DISC1: variants seen among roughly 807,000 people sequenced by gnomAD.
The protein encoded by DISC1 is disrupted in schizophrenia 1 protein.
A neutral mutation model predicts 84.5 loss-of-function variants in DISC1; 57 were observed. That is an observed-to-expected ratio of 0.67 (90% CI 0.55 to 0.84). The LOEUF is 0.84. Among genes scored for constraint, DISC1 ranks in the 40% least tolerant of loss-of-function variants. The pLI is 0.00. For synonymous variants in DISC1, 411 were observed against 415.2 expected (o/e 0.99, Z 0.12); for missense variants, 1,000 against 1,057.8 (o/e 0.95, Z 0.76).
intron 3 of DISC1, among the ~76,000 whole-genome samples, chr1:231,707,195 C>G (rs1335736321): frequency 3.9e-5 from 6 of 152,218 alleles, no homozygotes; most frequent in Non-Finnish European, 8.8e-5. Context: ...CAGCCTGTAT[C>G]ATTTTGCTTT....
At chr1:231,687,292 G>A (rs1409281872) in intron 1 of DISC1, among the ~76,000 whole-genome samples, 1 of 152,176 alleles carries the variant, frequency 6.6e-6, no homozygotes, top group Non-Finnish European at 1.5e-5. Flanking sequence ...GGAAGAAAAA[G>A]AGGTTTAATT....
At chr1:231,743,369 A>G (rs2073568918) in intron 3 of DISC1, among the ~76,000 whole-genome samples, 1 of 152,214 alleles carries the variant, frequency 6.6e-6, no homozygotes, top group Non-Finnish European at 1.5e-5. Context: ...AGAAAGGTTA[A>G]GTAACTTGAA....
chr1:231,740,929 TC>T (rs754350474), intron 3 of DISC1, among the ~76,000 whole-genome samples: 9 of 152,220 alleles, frequency 5.9e-5, no homozygotes, highest in Non-Finnish European at 8.8e-5. Context: ...TTGGGGCATT[TC>T]AAATTTCAGA....
At chr1:231,860,321 C>G (rs994145080) in intron 9 of DISC1, among the ~76,000 whole-genome samples, 7 of 152,016 alleles carry the variant, frequency 4.6e-5, no homozygotes, top group Non-Finnish European at 8.8e-5. Context: ...GGGACAAGAA[C>G]TGTTTTAGAT....
intron 10 of DISC1, among the ~76,000 whole-genome samples, chr1:231,978,982 A>G (rs56135119): frequency 0.072 from 10,958 of 152,130 alleles, 546 homozygotes; most frequent in East Asian, 0.23. Context: ...CTTTTTCTGT[A>G]TTTGCAGCCA....
At chr1:231,950,794 G>A (rs1185191827) in intron 9 of DISC1, among the ~76,000 whole-genome samples, 1 of 152,164 alleles carries the variant, frequency 6.6e-6, no homozygotes, top group Non-Finnish European at 1.5e-5. Flanking sequence ...TCGCCACATA[G>A]CAAACATTTT....
At chr1:231,859,297 C>T (rs188058619) in intron 9 of DISC1, among the ~76,000 whole-genome samples, 8 of 152,264 alleles carry the variant, frequency 5.3e-5, no homozygotes, top group African/African-American at 1.9e-4. Context: ...AACAAAGTAC[C>T]ATAGACTGAG....
chr1:231,995,551 T>A (rs1348160852), intron 10 of DISC1, among the ~76,000 whole-genome samples: 1 of 152,070 alleles, frequency 6.6e-6, no homozygotes, highest in Non-Finnish European at 1.5e-5. Context: ...CCATGTGTTC[T>A]CATTGTTCAA....
At chr1:231,650,693 G>A (rs2060540749) in intron 1 of DISC1, among the ~76,000 whole-genome samples, 2 of 152,122 alleles carry the variant, frequency 1.3e-5, no homozygotes, top group Non-Finnish European at 1.5e-5. Flanking sequence ...TCACTTTCAG[G>A]TACACCAGTC....
At chr1:231,962,640 G>A (rs1432948155) in intron 10 of DISC1, among the ~76,000 whole-genome samples, 1 of 152,220 alleles carries the variant, frequency 6.6e-6, no homozygotes, top group Non-Finnish European at 1.5e-5. Context: ...AAGGCAGGGG[G>A]AGATTAGGGT....
intron 9 of DISC1, among the ~76,000 whole-genome samples, chr1:231,951,492 TG>T (rs1658358701): frequency 1.3e-5 from 2 of 152,356 alleles, no homozygotes; most frequent in South Asian, 4.1e-4. Context: ...TGCCTCCTCC[TG>T]CATCAGCTAG....
chr1:231,636,431 G>A (rs1000239121), intron 1 of DISC1, among the ~76,000 whole-genome samples: 3 of 152,126 alleles, frequency 2.0e-5, no homozygotes, highest in East Asian at 1.9e-4. Context: ...GAGGATGAGC[G>A]CTGCACTCCC....
At chr1:231,906,504 T>G (rs2088653954) in intron 9 of DISC1, among the ~76,000 whole-genome samples, 1 of 152,082 alleles carries the variant, frequency 6.6e-6, no homozygotes, top group Non-Finnish European at 1.5e-5. Context: ...AAGTCCAGGG[T>G]GAATATAGGT....
At position 231,826,217 on chromosome 1, in the gene DISC1, CA is replaced by C. The variant is rs138683889; in HGVS notation, c.1981+7701del. ...AGGAAGGATCCTGTCACAGAGCCTT[CA>C]GGGGGCAAGGCCACCATCTGAATCC... On this transcript the variant is annotated intron_variant, in intron 9 of 12. Coordinates refer to ENST00000439617, the MANE Select transcript of DISC1 (RefSeq NM_018662.3). This position sits in a 1 kb window ranked among gnomAD's most constrained non-coding sequence, Gnocchi z 4.2. Among the ~76,000 whole-genome samples the C allele has an allele frequency of 9.4e-3, 1,426 of 152,314 alleles. 19 individuals are homozygous for C. Among genetic ancestry groups the C allele is most frequent in the African/African-American group, 0.031 (1,296 of 41,550 alleles).
chr1:231,665,501 G>T (rs1312516718), intron 1 of DISC1, among the ~76,000 whole-genome samples: 2 of 152,222 alleles, frequency 1.3e-5, no homozygotes, highest in Non-Finnish European at 2.9e-5. Flanking sequence ...TCGGACAGAT[G>T]ATTCAGCTTG....
chr1:231,860,822 T>C (rs2084589014), intron 9 of DISC1, among the ~76,000 whole-genome samples: 1 of 152,182 alleles, frequency 6.6e-6, no homozygotes, highest in African/African-American at 2.4e-5. Flanking sequence ...TCTCACTGAT[T>C]CATTCCTTGA....
At chr1:231,925,045 C>T (rs1040567144) in intron 9 of DISC1, among the ~76,000 whole-genome samples, 8 of 150,814 alleles carry the variant, frequency 5.3e-5, no homozygotes, top group African/African-American at 2.0e-4. Context: ...GGCAAAATTG[C>T]ACTGGGTGTG....
intron 9 of DISC1, among the ~76,000 whole-genome samples, chr1:231,877,229 C>A (rs562525125): frequency 5.3e-5 from 8 of 152,252 alleles, no homozygotes; most frequent in Admixed American, 1.3e-4. Context: ...CAGAGACCAA[C>A]CTTGTACAGC....
intron 9 of DISC1, chr1:231,925,987 T>C (rs925475486): frequency 2.6e-5 from 4 of 152,220 alleles, no homozygotes; most frequent in African/African-American, 9.6e-5. Context: ...CAGTTTTCGA[T>C]ACTTTGTCAT....
Sources: gnomAD v4.1 joint callset for allele counts (sites outside exome capture counted in the v4.1 genomes callset) on GRCh38, gnomAD v4.1.1 for gene constraint, Gnocchi (gnomAD v3.1) non-coding constraint, MANE v1.5 for transcripts, NCBI Gene and HGNC (gene_info 2026-07-23, HGNC 2026-07-21) for gene names.